Variants in ADGRB3 observed in about 807,000 individuals in gnomAD.
ADGRB3 encodes adhesion G protein-coupled receptor B3, also known as brain-specific angiogenesis inhibitor 3.
Under a neutral mutation model 193.4 loss-of-function variants are expected in ADGRB3, and 37 were observed. The observed-to-expected ratio is 0.19, with a 90% CI of 0.15 to 0.25. The LOEUF is 0.25. ADGRB3 is among the 10% of genes least tolerant of loss of function. The pLI is 1.00. For missense variants in ADGRB3, 1,637 were observed against 1,852.9 expected, an observed-to-expected ratio of 0.88 and a Z score of 2.14; for synonymous variants, 690 against 644.2, an observed-to-expected ratio of 1.07 and a Z score of -1.08.
rs116036517 is a variant in ADGRB3, at chr6:68,904,477, A to G, written c.758-26082A>G. ...TCGTTTGGCTTTGCTACAAAGACGT[A>G]ACCAATTTTAAAAGTTGATGTAATT... On this transcript the variant is annotated intron_variant, in intron 3 of 31. Coordinates refer to ENST00000370598, the MANE Select transcript of ADGRB3 (RefSeq NM_001704.3). Among the ~76,000 whole-genome samples the G allele has an allele frequency of 4.6e-3, 707 of 152,316 alleles. 4 individuals are homozygous for G. The highest frequency in any genetic ancestry group is 0.015 in the African/African-American group (631 of 41,562).
intron 17 of ADGRB3, among the ~76,000 whole-genome samples, chr6:69,186,898 G>C (rs1052062939): frequency 6.6e-6 from 1 of 150,468 alleles, no homozygotes; most frequent in African/African-American, 2.4e-5. Context: ...CTATACAGAG[G>C]TAAAATCCTC....
intron 3 of ADGRB3, among the ~76,000 whole-genome samples, chr6:68,904,111 A>AAGGG (rs1270842572): frequency 3.6e-5 from 3 of 83,140 alleles, no homozygotes; most frequent in African/African-American, 1.3e-4. Context: ...GGAAGGAAGG[A>AAGGG]AGGGAGGGAG....
chr6:69,255,648 G>A (rs1395549001), intron 20 of ADGRB3, among the ~76,000 whole-genome samples: 14 of 152,076 alleles, frequency 9.2e-5, no homozygotes, highest in East Asian at 5.8e-4. Context: ...CCCATTTTGT[G>A]GGTTGCCTGT....
chr6:68,842,634 T>C (rs147345192), intron 3 of ADGRB3, among the ~76,000 whole-genome samples: 52 of 151,902 alleles, frequency 3.4e-4, no homozygotes, highest in African/African-American at 8.9e-4. Flanking sequence ...TTTTGCAAAA[T>C]AGAGGAGGAG....
intron 17 of ADGRB3, among the ~76,000 whole-genome samples, chr6:69,209,737 G>A (rs992946712): frequency 1.5e-4 from 23 of 152,190 alleles, no homozygotes; most frequent in Non-Finnish European, 2.9e-4. Flanking sequence ...CATTTGCCAA[G>A]TCAATGGCTA....
chr6:69,330,767 A>G (rs924031963), intron 23 of ADGRB3, among the ~76,000 whole-genome samples, 195 bp downstream of exon 23: 8 of 152,162 alleles, frequency 5.3e-5, no homozygotes, highest in African/African-American at 1.9e-4. Context: ...TGAATACTGA[A>G]GAATATTAAA....
chr6:69,240,361 TAG>T (rs1373273379), intron 20 of ADGRB3, among the ~76,000 whole-genome samples: 1 of 152,086 alleles, frequency 6.6e-6, no homozygotes, highest in Non-Finnish European at 1.5e-5. Context: ...AAGGGCCCTG[TAG>T]AAATAAAAAT....
At chr6:69,282,231 A>G (rs1246189743) in intron 20 of ADGRB3, among the ~76,000 whole-genome samples, 1 of 152,188 alleles carries the variant, frequency 6.6e-6, no homozygotes, top group African/African-American at 2.4e-5. Flanking sequence ...CTGCTTACAT[A>G]GAAATCCACC....
intron 3 of ADGRB3, among the ~76,000 whole-genome samples, chr6:68,645,835 G>T (rs565999961): frequency 6.6e-6 from 1 of 151,810 alleles, no homozygotes; most frequent in Non-Finnish European, 1.5e-5. Context: ...ACCACACCTG[G>T]CTAATTTTTT....
chr6:69,335,183 CTTAT>C (rs1190692737), intron 24 of ADGRB3, among the ~76,000 whole-genome samples: 1 of 151,564 alleles, frequency 6.6e-6, no homozygotes, highest in African/African-American at 2.4e-5. Context: ...CTTATTTTTT[CTTAT>C]TTAATTATTT....
chr6:69,335,171 C>T (rs1157432721), intron 24 of ADGRB3, among the ~76,000 whole-genome samples: 2 of 151,690 alleles, frequency 1.3e-5, no homozygotes, highest in African/African-American at 2.4e-5. Flanking sequence ...CAAGTGAATA[C>T]CCTTATTTTT....
chr6:69,205,882 C>A (rs959372433), intron 17 of ADGRB3, among the ~76,000 whole-genome samples: 2 of 151,198 alleles, frequency 1.3e-5, no homozygotes, highest in Admixed American at 6.6e-5. Context: ...AATTTCTGAT[C>A]TCAAAGGATC....
At chr6:69,107,269 A>C (rs1773241921) in intron 17 of ADGRB3, among the ~76,000 whole-genome samples, 1 of 152,232 alleles carries the variant, frequency 6.6e-6, no homozygotes, top group Admixed American at 6.5e-5. Context: ...AGAGATTTTT[A>C]AAATCCAGTT....
At position 68,654,486 on chromosome 6, in the gene ADGRB3, A is replaced by G. The variant is rs547426820; in HGVS notation, c.757+15054A>G. On this transcript the variant is annotated intron_variant, in intron 3 of 31. Coordinates refer to ENST00000370598, the MANE Select transcript of ADGRB3 (RefSeq NM_001704.3). ...GAAATTAAAACAAAATGAAAAAATA[A>G]ACACTTTCTGCTTTTTTTTTCTTCT... 1.3e-3 allele frequency among the ~76,000 whole-genome samples: 194 copies of G among 152,122 alleles called. 1 individual carries two copies. Among genetic ancestry groups the G allele is most frequent in the African/African-American group, 4.6e-3 (190 of 41,548 alleles).
chr6:69,310,495 T>A (rs893208978), intron 20 of ADGRB3, among the ~76,000 whole-genome samples: 85 of 151,848 alleles, frequency 5.6e-4, no homozygotes, highest in African/African-American at 1.8e-3. Flanking sequence ...AGTAATAAAA[T>A]TTAGCTACAT....
intron 20 of ADGRB3, among the ~76,000 whole-genome samples, chr6:69,265,868 A>G (rs1257454398): frequency 1.3e-5 from 2 of 151,978 alleles, no homozygotes; most frequent in Non-Finnish European, 2.9e-5. Context: ...TCTGTAGAAG[A>G]CAAATGACTC....
intron 17 of ADGRB3, among the ~76,000 whole-genome samples, chr6:69,211,517 G>T (rs1765666922): frequency 6.6e-6 from 1 of 152,054 alleles, no homozygotes; most frequent in Non-Finnish European, 1.5e-5. Flanking sequence ...TGTGTTACAA[G>T]AACACTATCA....
chr6:68,677,183 G>A (rs1478450588), intron 3 of ADGRB3, among the ~76,000 whole-genome samples: 1 of 152,134 alleles, frequency 6.6e-6, no homozygotes. Context: ...TTTCTTAAAA[G>A]GCTTACATGG....
chr6:68,980,035 C>T (rs1309155922), intron 10 of ADGRB3, among the ~76,000 whole-genome samples: 1 of 151,380 alleles, frequency 6.6e-6, no homozygotes, highest in Non-Finnish European at 1.5e-5. Flanking sequence ...GTATATCACT[C>T]CTCCTTCCCT....
Sources: allele counts gnomAD v4.1 joint callset (sites outside exome capture counted in the v4.1 genomes callset), GRCh38; gene constraint gnomAD v4.1.1; transcripts MANE v1.5; gene names NCBI Gene and HGNC (gene_info 2026-07-23, HGNC 2026-07-21).